RFX7: variants seen among roughly 807,000 people sequenced by gnomAD.
The protein encoded by RFX7 is regulatory factor X7, also known as DNA-binding protein RFX7.
In RFX7, 26 loss-of-function variants were observed where a neutral mutation model predicts 111.8. The observed-to-expected ratio is 0.23, with a 90% confidence interval of 0.17 to 0.32. The LOEUF (loss-of-function observed/expected upper bound fraction) is 0.32. RFX7 is among the 10% of genes least tolerant of loss of function. The pLI is 1.00. For missense variants in RFX7, 1,573 were observed against 1,772.9 expected, an observed-to-expected ratio of 0.89 and a Z score of 2.02; for synonymous variants, 624 against 624.4, an observed-to-expected ratio of 1.00 and a Z score of 0.01.
At chr15:56,125,606 T>TGTCA (rs1555419365) in intron 5 of RFX7, among the ~76,000 whole-genome samples, 1 of 87,386 alleles carries the variant, frequency 1.1e-5, no homozygotes, top group Non-Finnish European at 2.3e-5. Context: ...CTTCTGTGTG[T>TGTCA]GTGAGTGTGT....
intron 2 of RFX7, among the ~76,000 whole-genome samples, chr15:56,239,177 T>C (rs1596031112): frequency 6.6e-6 from 1 of 152,166 alleles, no homozygotes. Context: ...CTTGCATATG[T>C]GTAATGAGCA....
chr15:56,192,746 C>A, intron 2 of RFX7: 1 of 222,392 alleles, frequency 4.5e-6, no homozygotes. Context: ...TTTTAAAGAC[C>A]TCTACAAATT....
intron 3 of RFX7, among the ~76,000 whole-genome samples, chr15:56,170,818 C>T (rs756177087): frequency 6.6e-6 from 1 of 152,074 alleles, no homozygotes; most frequent in Non-Finnish European, 1.5e-5. Flanking sequence ...ATGGATAATG[C>T]TCTTACAGAT....
chr15:56,184,632 T>C (rs541669594), intron 2 of RFX7, among the ~76,000 whole-genome samples: 82 of 149,548 alleles, frequency 5.5e-4, no homozygotes, highest in African/African-American at 1.9e-3. Context: ...ACTAGTATGA[T>C]AGTTAAGGCT....
At chr15:56,220,229 T>G (rs1464914833) in intron 2 of RFX7, among the ~76,000 whole-genome samples, 1 of 152,142 alleles carries the variant, frequency 6.6e-6, no homozygotes, top group African/African-American at 2.4e-5. Context: ...TTATTTTATT[T>G]CATTTTATTT....
In RFX7 at chr15:56,165,964, C is replaced by T. The variant is rs1006149344; in HGVS notation, c.195+13306G>A. On this transcript the variant is annotated intron_variant, in intron 3 of 9. Transcript: ENST00000559447. ...TCACCCAGGCTGGAGTGCAGTGGCACGTTCATGGCTCACTGCAGCCTTTGA... is the reference window on the plus strand; with the variant it reads ...TCACCCAGGCTGGAGTGCAGTGGCATGTTCATGGCTCACTGCAGCCTTTGA... Among the ~76,000 whole-genome samples the T allele has an allele frequency of 5.9e-5, 9 of 152,142 alleles. No individual in the cohort carries two copies. In the South Asian group the frequency reaches 1.2e-3, roughly 21 times the overall value.
At chr15:56,241,053 A>C (rs1366137864) in intron 2 of RFX7, among the ~76,000 whole-genome samples, 1 of 152,174 alleles carries the variant, frequency 6.6e-6, no homozygotes, top group Non-Finnish European at 1.5e-5. Context: ...TTTTAAGTAT[A>C]TAAAAATCAT....
At chr15:56,230,301 A>T (rs1035697384) in intron 2 of RFX7, among the ~76,000 whole-genome samples, 1 of 152,248 alleles carries the variant, frequency 6.6e-6, no homozygotes, top group Non-Finnish European at 1.5e-5. Context: ...GAAGGACACA[A>T]TGGCTTTCAT....
At chr15:56,158,930 C>CA (rs779010086) in intron 3 of RFX7, among the ~76,000 whole-genome samples, 3 of 152,186 alleles carry the variant, frequency 2.0e-5, no homozygotes, top group Non-Finnish European at 2.9e-5. Context: ...TAGGGCACTA[C>CA]AGCTTATTCT....
rs2041562974 is a variant in RFX7 at position 56,088,985 on chromosome 15, A to C, written c.*4360T>G. On this transcript the variant is annotated 3_prime_UTR_variant, in exon 10 of 10. Coordinates refer to ENST00000559447, the MANE Select transcript of RFX7 (RefSeq NM_022841.7). The stretch of plus-strand genomic sequence containing the variant: ...AAGATCTTACTCATCTTACCTAGCT[A>C]TTTTTTGCAGTGACCACTACTGGTT... 6.6e-6 allele frequency: 1 copy of C among 152,130 alleles called. No individual in the cohort carries two copies. The highest frequency in any genetic ancestry group is 1.5e-5 in the Non-Finnish European group (1 of 68,008). 9.4% of individuals were successfully genotyped at this position (152,130 alleles called of 1,614,324 possible). A position where few individuals can be genotyped will look rare whatever the true frequency, so the allele number is the denominator to read the frequency against.
intron 3 of RFX7, among the ~76,000 whole-genome samples, chr15:56,151,835 C>G (rs566586542): frequency 6.6e-6 from 1 of 152,094 alleles, no homozygotes; most frequent in Non-Finnish European, 1.5e-5. Flanking sequence ...CAAAGACACA[C>G]ATAGGCTCAA....
At chr15:56,182,548 T>C (rs976725478) in intron 2 of RFX7, among the ~76,000 whole-genome samples, 1 of 152,198 alleles carries the variant, frequency 6.6e-6, no homozygotes, top group Non-Finnish European at 1.5e-5. Context: ...CAAAAATCTA[T>C]AAGCAACATA....
chr15:56,117,085 G>A (rs1304254016), intron 5 of RFX7, among the ~76,000 whole-genome samples: 1 of 152,142 alleles, frequency 6.6e-6, no homozygotes, highest in African/African-American at 2.4e-5. Flanking sequence ...TCTGAATCTG[G>A]ATGCTGGTAA....
chr15:56,215,354 C>A (rs1176521520), intron 2 of RFX7, among the ~76,000 whole-genome samples: 3 of 152,162 alleles, frequency 2.0e-5, no homozygotes, highest in Non-Finnish European at 4.4e-5. Context: ...TACCATTCAT[C>A]AAGTTAAAGA....
chr15:56,129,472 T>C (rs558494869), intron 5 of RFX7, among the ~76,000 whole-genome samples: 1 of 152,260 alleles, frequency 6.6e-6, no homozygotes, highest in South Asian at 2.1e-4. Context: ...TAAAAGTGAT[T>C]GTCTTTATTC....
intron 5 of RFX7, among the ~76,000 whole-genome samples, chr15:56,117,349 A>G (rs1437959883): frequency 4.6e-5 from 7 of 152,104 alleles, no homozygotes; most frequent in Non-Finnish European, 1.0e-4. Context: ...CATGTAGAGG[A>G]AAGAATATGA....
intron 5 of RFX7, among the ~76,000 whole-genome samples, chr15:56,116,819 T>C (rs2042014440): frequency 6.6e-6 from 1 of 151,968 alleles, no homozygotes; most frequent in Non-Finnish European, 1.5e-5. Context: ...CTAAAATGCA[T>C]AAATTGTACA....
intron 2 of RFX7, among the ~76,000 whole-genome samples, chr15:56,186,945 T>C (rs756037553): frequency 1.3e-5 from 2 of 152,230 alleles, no homozygotes; most frequent in Non-Finnish European, 2.9e-5. Flanking sequence ...TTTAATGTAA[T>C]GTATTTTTTG....
In RFX7 at chr15:56,095,943, G is replaced by C; in HGVS notation, c.1785C>G (p.Val595=). Residue 595 remains valine (V), a synonymous_variant, in exon 10 of 10, where the codon GTC becomes GTG. Transcript: ENST00000559447. ...TTTTACATTTGGTCCTCTGGTCACA[G>C]ACCTTAGTTGCTTTTATTTCAATGA... ...EGVIEIKATK[V]CDQRTKCKSR... 1 of 1,607,456 alleles carries C rather than the reference G, an allele frequency of 6.2e-7. No individual in the cohort carries two copies. Among genetic ancestry groups the C allele is most frequent in the African/African-American group, 1.3e-5 (1 of 75,034 alleles).
Sources: allele counts gnomAD v4.1 joint callset (sites outside exome capture counted in the v4.1 genomes callset), GRCh38; gene constraint gnomAD v4.1.1; transcripts MANE v1.5; gene names NCBI Gene and HGNC (gene_info 2026-07-23, HGNC 2026-07-21).